IL1RAPL1: variants seen among roughly 807,000 people sequenced by gnomAD.
The protein encoded by IL1RAPL1 is interleukin-1 receptor accessory protein-like 1.
IL1RAPL1 carries 3 observed loss-of-function variants against 48.4 expected under a neutral mutation model. The observed-to-expected ratio is 0.06, with a 90% CI of 0.03 to 0.16. The LOEUF (loss-of-function observed/expected upper bound fraction) is 0.16. Ranked by LOEUF, IL1RAPL1 falls within the 10% of genes least tolerant of loss-of-function variation. IL1RAPL1 has a pLI of 1.00. For synonymous variants in IL1RAPL1, 185 were observed against 187.7 expected, an observed-to-expected ratio of 0.99 and a Z score of 0.12; for missense variants, 349 against 530.6, an observed-to-expected ratio of 0.66 and a Z score of 3.36.
chrX:29,060,535 G>T (rs1463506192), intron 2 of IL1RAPL1, among the ~76,000 whole-genome samples: 2 of 111,727 alleles, frequency 1.8e-5, no homozygotes, highest in East Asian at 5.6e-4. Context: ...GCCTGAAGTT[G>T]TTAGCATATT....
intron 2 of IL1RAPL1, among the ~76,000 whole-genome samples, chrX:28,923,479 C>A (rs780514662): frequency 1.8e-5 from 2 of 111,179 alleles, no homozygotes; most frequent in Admixed American, 9.6e-5. Flanking sequence ...CCAGCCTGTA[C>A]GTTTCTTTAT....
chrX:29,530,416 C>T (rs1935600464), intron 5 of IL1RAPL1, among the ~76,000 whole-genome samples: 1 of 111,211 alleles, frequency 9.0e-6, no homozygotes, highest in African/African-American at 3.3e-5. Flanking sequence ...ACCAAGTTAC[C>T]ACTGTAGGCA....
At chrX:29,752,080 GTATA>G (rs757287803) in intron 6 of IL1RAPL1, among the ~76,000 whole-genome samples, 1,454 of 85,256 alleles carry the variant, frequency 0.017, 31 homozygotes, top group African/African-American at 0.053. Flanking sequence ...ATGTGTGTAT[GTATA>G]TATATATATA....
At chrX:29,273,673 TG>T (rs2147593729) in intron 2 of IL1RAPL1, among the ~76,000 whole-genome samples, 1 of 111,436 alleles carries the variant, frequency 9.0e-6, no homozygotes, top group African/African-American at 3.3e-5. Flanking sequence ...GGGGCACCAG[TG>T]GGGGCAGGGT....
chrX:28,696,514 G>T (rs1569153526), intron 1 of IL1RAPL1, among the ~76,000 whole-genome samples: 1 of 110,842 alleles, frequency 9.0e-6, no homozygotes. Flanking sequence ...TTCAAAATAG[G>T]TATAAGAGGA....
intron 5 of IL1RAPL1, among the ~76,000 whole-genome samples, chrX:29,584,700 T>C (rs1923097857): frequency 8.9e-6 from 1 of 111,821 alleles, no homozygotes; most frequent in African/African-American, 3.3e-5. Flanking sequence ...ATTACACATG[T>C]GCACCACCAT....
At chrX:29,897,109 G>T (rs1415876883) in intron 6 of IL1RAPL1, among the ~76,000 whole-genome samples, 1 of 112,267 alleles carries the variant, frequency 8.9e-6, no homozygotes, top group Admixed American at 9.4e-5. Flanking sequence ...TGAAGGTCCT[G>T]TCACTTGGTA....
chrX:28,676,554 G>A (rs1362879052), intron 1 of IL1RAPL1, among the ~76,000 whole-genome samples: 1 of 110,763 alleles, frequency 9.0e-6, no homozygotes, highest in Admixed American at 9.6e-5. Flanking sequence ...CCAACGTGGC[G>A]AAACCCCGTC....
chrX:29,396,522 CT>C, intron 4 of IL1RAPL1, 78 bp downstream of exon 4: 1 of 882,662 alleles, frequency 1.1e-6, no homozygotes, highest in Non-Finnish European at 1.7e-6. Flanking sequence ...GGATAGAAAA[CT>C]TAGATGGGTG....
intron 2 of IL1RAPL1, among the ~76,000 whole-genome samples, chrX:29,022,977 A>G (rs1926406046): frequency 8.9e-6 from 1 of 112,499 alleles, no homozygotes; most frequent in South Asian, 3.6e-4. Flanking sequence ...TAATCAATTT[A>G]TCACACTTGT....
At chrX:29,142,466 ACTGGAC>A (rs1344606893) in intron 2 of IL1RAPL1, among the ~76,000 whole-genome samples, 2 of 112,006 alleles carry the variant, frequency 1.8e-5, no homozygotes, top group Admixed American at 9.5e-5. Flanking sequence ...TGTGGGAACA[ACTGGAC>A]CTTGAATCAG....
intron 2 of IL1RAPL1, among the ~76,000 whole-genome samples, chrX:29,277,060 C>T (rs1569275316): frequency 8.9e-6 from 1 of 111,877 alleles, no homozygotes; most frequent in Non-Finnish European, 1.9e-5. Context: ...CATAGGGTAA[C>T]TAAATAGTCA....
chrX:28,985,498 C>T (rs1342089764), intron 2 of IL1RAPL1, among the ~76,000 whole-genome samples: 1 of 111,828 alleles, frequency 8.9e-6, no homozygotes, highest in East Asian at 2.8e-4. Flanking sequence ...CATCCTTTTA[C>T]ATGTTATATG....
chrX:29,893,652 G>T (rs1296923530), intron 6 of IL1RAPL1, among the ~76,000 whole-genome samples: 1 of 111,459 alleles, frequency 9.0e-6, no homozygotes, highest in Non-Finnish European at 1.9e-5. Context: ...CAGTTCAATT[G>T]TTTGTACTGA....
intron 2 of IL1RAPL1, among the ~76,000 whole-genome samples, chrX:28,831,698 G>C (rs1335566584): frequency 9.0e-6 from 1 of 111,154 alleles, no homozygotes; most frequent in African/African-American, 3.3e-5. Context: ...ATTGTTGCTA[G>C]ATTTTGTTTA....
At chrX:29,552,777 A>G (rs1386218354) in intron 5 of IL1RAPL1, among the ~76,000 whole-genome samples, 2 of 100,171 alleles carry the variant, frequency 2.0e-5, no homozygotes, top group East Asian at 6.3e-4. Context: ...CCGGTGTACT[A>G]AGTTCATTCA....
chrX:29,060,253 C>A, intron 2 of IL1RAPL1, among the ~76,000 whole-genome samples: 1 of 111,874 alleles, frequency 8.9e-6, no homozygotes, highest in East Asian at 2.8e-4. Context: ...CACATACACT[C>A]ATTTTTAGTA....
chrX:29,487,526 A>G (rs1935109764), intron 5 of IL1RAPL1, among the ~76,000 whole-genome samples: 1 of 112,164 alleles, frequency 8.9e-6, no homozygotes, highest in African/African-American at 3.2e-5. Context: ...TGATTAATGT[A>G]GTCACAGAAA....
intron 6 of IL1RAPL1, among the ~76,000 whole-genome samples, chrX:29,750,145 A>G (rs1335308854): frequency 1.8e-5 from 2 of 112,249 alleles, no homozygotes; most frequent in East Asian, 5.6e-4. Context: ...CTTTGAAATT[A>G]TCTTTTCTTT....
Sources: allele counts gnomAD v4.1 joint callset (sites outside exome capture counted in the v4.1 genomes callset), GRCh38; gene constraint gnomAD v4.1.1; transcripts MANE v1.5; gene names NCBI Gene and HGNC (gene_info 2026-07-23, HGNC 2026-07-21).